NSG2: variants seen among roughly 807,000 people sequenced by gnomAD.
The protein encoded by NSG2 is neuronal vesicle trafficking associated 2.
In NSG2, 4 loss-of-function variants were observed where a neutral mutation model predicts 16.9. That is an observed-to-expected ratio of 0.24 (90% CI 0.12 to 0.54). The LOEUF (loss-of-function observed/expected upper bound fraction) is 0.54, where lower values mean the gene tolerates loss of function less well. Ranked by LOEUF, NSG2 falls within the 20% of genes least tolerant of loss-of-function variation. NSG2 has a pLI of 0.95. For synonymous variants in NSG2, 98 were observed against 88.7 expected, an observed-to-expected ratio of 1.11 and a Z score of -0.59; for missense variants, 179 against 221.1, an observed-to-expected ratio of 0.81 and a Z score of 1.21.
chr5:174,066,741 C>T (rs935695790), intron 3 of NSG2, among the ~76,000 whole-genome samples: 3 of 151,772 alleles, frequency 2.0e-5, no homozygotes, highest in African/African-American at 4.8e-5. Context: ...TATCCTTTAT[C>T]CAGCAGTCAT....
chr5:174,107,820 C>T lies in NSG2; in HGVS notation c.*315C>T. 3.8e-6 allele frequency: 2 copies of T among 527,124 alleles called. No homozygotes were observed. The highest frequency in any genetic ancestry group is 7.2e-6 in the Non-Finnish European group (2 of 277,240). 32.7% of individuals were successfully genotyped at this position (527,124 alleles called of 1,614,324 possible). On this transcript the variant is annotated 3_prime_UTR_variant, in exon 5 of 5. Coordinates refer to ENST00000303177, the MANE Select transcript of NSG2 (RefSeq NM_015980.5). The surrounding 1 kb of genome is among the most constrained non-coding windows in gnomAD (Gnocchi z 4.5). ...ATTCTTTGTTAGGAAAATGTAACAGCAGAAAAGGAAAGAAACAAAGAACAT... is the reference window on the plus strand; with the variant it reads ...ATTCTTTGTTAGGAAAATGTAACAGTAGAAAAGGAAAGAAACAAAGAACAT...
intron 3 of NSG2, among the ~76,000 whole-genome samples, chr5:174,097,795 C>G (rs1328759759): frequency 4.8e-5 from 7 of 144,694 alleles, no homozygotes; most frequent in African/African-American, 1.3e-4. Context: ...GTGTGTGTCT[C>G]TGTGTGTGTG....
chr5:174,084,941 A>ATTTC (rs1760578392), intron 3 of NSG2, among the ~76,000 whole-genome samples: 1 of 152,194 alleles, frequency 6.6e-6, no homozygotes, highest in Non-Finnish European at 1.5e-5. Flanking sequence ...TACAGTCAGA[A>ATTTC]TGGTGGATAA....
intron 3 of NSG2, chr5:174,082,717 T>C (rs1166925684): frequency 6.6e-6 from 1 of 152,256 alleles, no homozygotes; most frequent in Non-Finnish European, 1.5e-5. Context: ...AAAATCTACA[T>C]TTACCTCCTC....
chr5:174,060,055 G>A (rs746033508), intron 2 of NSG2, among the ~76,000 whole-genome samples: 1 of 152,220 alleles, frequency 6.6e-6, no homozygotes, highest in Non-Finnish European at 1.5e-5. Flanking sequence ...CTGCCACACA[G>A]TGAGGCAGGG....
intron 3 of NSG2, among the ~76,000 whole-genome samples, chr5:174,081,887 CAA>C (rs60742273): frequency 0.18 from 12,245 of 69,744 alleles, 429 homozygotes; most frequent in African/African-American, 0.24. Flanking sequence ...GACTCCGACT[CAA>C]AAAAAAAAAA....
intron 3 of NSG2, among the ~76,000 whole-genome samples, chr5:174,093,956 T>C (rs1387369797): frequency 6.6e-6 from 1 of 152,202 alleles, no homozygotes; most frequent in Non-Finnish European, 1.5e-5. Context: ...GTCTTCCTAA[T>C]TCCTGAGGTT....
intron 3 of NSG2, among the ~76,000 whole-genome samples, chr5:174,070,556 T>C (rs1760221394): frequency 1.3e-5 from 2 of 152,204 alleles, no homozygotes; most frequent in Admixed American, 1.3e-4. Context: ...ATATTGGTTC[T>C]GGTCTGGGCT....
At chr5:174,079,142 T>C (rs1324777281) in intron 3 of NSG2, among the ~76,000 whole-genome samples, 1 of 152,120 alleles carries the variant, frequency 6.6e-6, no homozygotes, top group African/African-American at 2.4e-5. Context: ...CGTGAGCTGC[T>C]CCTCCCCGTG....
intron 3 of NSG2, among the ~76,000 whole-genome samples, chr5:174,073,846 A>G (rs1288495847): frequency 1.3e-5 from 2 of 152,208 alleles, no homozygotes; most frequent in Non-Finnish European, 2.9e-5. Flanking sequence ...AAATGCTGCA[A>G]TAAAGCAAGT....
chr5:174,086,230 G>T (rs753012538), intron 3 of NSG2, among the ~76,000 whole-genome samples: 1 of 152,114 alleles, frequency 6.6e-6, no homozygotes, highest in Non-Finnish European at 1.5e-5. Context: ...CTGGCTAACT[G>T]ACCCCGGGCC....
intron 3 of NSG2, 63 bp downstream of exon 3, chr5:174,064,378 C>CGAGGTGTGCTG: frequency 1.7e-6 from 2 of 1,150,336 alleles, no homozygotes; most frequent in Non-Finnish European, 2.5e-6. Context: ...CAGCTCAGCA[C>CGAGGTGTGCTG]ACCTCGTGCT....
chr5:174,087,375 T>C (rs1385631361), intron 3 of NSG2, among the ~76,000 whole-genome samples: 1 of 152,210 alleles, frequency 6.6e-6, no homozygotes, highest in Non-Finnish European at 1.5e-5. Context: ...CATTCATTAA[T>C]TGAGTTTCCT....
chr5:174,079,132 C>T (rs77114186), intron 3 of NSG2, among the ~76,000 whole-genome samples: 2,870 of 152,256 alleles, frequency 0.019, 91 homozygotes, highest in African/African-American at 0.065. Context: ...AGTGCCTAAG[C>T]GTGAGCTGCT....
intron 2 of NSG2, among the ~76,000 whole-genome samples, chr5:174,061,675 C>T (rs1466207176): frequency 6.6e-6 from 1 of 152,180 alleles, no homozygotes; most frequent in Non-Finnish European, 1.5e-5. Flanking sequence ...ACAATCTTGG[C>T]TCACTGCAAC....
chr5:174,046,946 A>C lies in NSG2; in HGVS notation c.129+62A>C, dbSNP rs548344897. 1,891 of 1,573,150 alleles carry C rather than the reference A, an allele frequency of 1.2e-3. 18 individuals are homozygous for C. Among genetic ancestry groups the C allele is most frequent in the South Asian group, 8.2e-3 (721 of 87,468 alleles). ...CTCCCCCCATCTCAGGAAATAAAGC[A>C]GCAAAAAATTCCACCCCCCAAATCC... On this transcript the variant is annotated intron_variant, in intron 2 of 4. Coordinates refer to ENST00000303177, the MANE Select transcript of NSG2 (RefSeq NM_015980.5).
intron 2 of NSG2, among the ~76,000 whole-genome samples, chr5:174,047,589 G>T (rs1287513600): frequency 6.6e-6 from 1 of 152,198 alleles, no homozygotes; most frequent in East Asian, 1.9e-4. Context: ...AAGGCAAAGG[G>T]CACACATATG....
chr5:174,077,906 T>C (rs17839792), intron 3 of NSG2, among the ~76,000 whole-genome samples: 23,316 of 152,098 alleles, frequency 0.15, 2,297 homozygotes, highest in African/African-American at 0.27. Context: ...CACAACATTC[T>C]AACAGTACAG....
chr5:174,088,009 G>GCC (rs1760660416), intron 3 of NSG2, among the ~76,000 whole-genome samples: 1 of 151,994 alleles, frequency 6.6e-6, no homozygotes, highest in African/African-American at 2.4e-5. Context: ...CAGTAAACAG[G>GCC]CCCTCCACAG....
Sources: gnomAD v4.1 joint callset for allele counts (sites outside exome capture counted in the v4.1 genomes callset) on GRCh38, gnomAD v4.1.1 for gene constraint, Gnocchi (gnomAD v3.1) non-coding constraint, MANE v1.5 for transcripts, NCBI Gene and HGNC (gene_info 2026-07-23, HGNC 2026-07-21) for gene names.